The following PSPC1 variants were observed in gnomAD, a reference collection of about 807,000 sequenced individuals.
The protein encoded by PSPC1 is paraspeckle component 1.
Under a neutral mutation model 51.6 loss-of-function variants are expected in PSPC1, and 14 were observed. That is an observed-to-expected ratio of 0.27 (90% CI 0.18 to 0.42). PSPC1 has a LOEUF of 0.42. PSPC1 is among the 10% of genes least tolerant of loss of function. The pLI is 1.00. For synonymous variants in PSPC1, 193 were observed against 231.9 expected (o/e 0.83, Z 1.53); for missense variants, 406 against 701.1 (o/e 0.58, Z 4.75).
chr13:19,711,951 C>CAA (rs1265587554), intron 6 of PSPC1, among the ~76,000 whole-genome samples: 1 of 151,980 alleles, frequency 6.6e-6, no homozygotes, highest in African/African-American at 2.4e-5. Flanking sequence ...TTCAATAAAC[C>CAA]AAACCAAATT....
chr13:19,781,145 CA>C (rs531065939), intron 1 of PSPC1, among the ~76,000 whole-genome samples: 922 of 70,688 alleles, frequency 0.013, 7 homozygotes, highest in South Asian at 0.036. Flanking sequence ...GACCCAGTCT[CA>C]AAAAAAAAAA....
chr13:19,746,259 G>A (rs368826278), intron 4 of PSPC1, among the ~76,000 whole-genome samples: 28 of 151,832 alleles, frequency 1.8e-4, no homozygotes, highest in African/African-American at 5.3e-4. Flanking sequence ...AAAATTAGCC[G>A]ACTGTGGTGG....
At chr13:19,706,213 C>A (rs557807474) in intron 7 of PSPC1, among the ~76,000 whole-genome samples, 1 of 152,144 alleles carries the variant, frequency 6.6e-6, no homozygotes, top group South Asian at 2.1e-4. Context: ...TACAAAACCA[C>A]TTAATTTTTT....
chr13:19,736,274 G>T (rs892501018), intron 5 of PSPC1, among the ~76,000 whole-genome samples: 7 of 152,030 alleles, frequency 4.6e-5, no homozygotes, highest in Non-Finnish European at 8.8e-5. Flanking sequence ...AAACATAAAG[G>T]TTACCCGTCA....
chr13:19,706,739 C>G (rs1565978106), intron 7 of PSPC1, among the ~76,000 whole-genome samples: 3 of 152,090 alleles, frequency 2.0e-5, no homozygotes, highest in African/African-American at 7.2e-5. Context: ...CAAAGCCATT[C>G]TAATTTAGAG....
chr13:19,734,492 C>T (rs760936871), intron 5 of PSPC1, among the ~76,000 whole-genome samples: 4 of 152,232 alleles, frequency 2.6e-5, no homozygotes, highest in African/African-American at 4.8e-5. Context: ...TATAATAATT[C>T]GCTAAATGAC....
At chr13:19,694,803 T>A (rs1879010604) in intron 6 of PSPC1, among the ~76,000 whole-genome samples, 1 of 152,222 alleles carries the variant, frequency 6.6e-6, no homozygotes, top group African/African-American at 2.4e-5. Context: ...CACAACTCAA[T>A]TCAATGAGCA....
chr13:19,762,426 G>A (rs1263497105), intron 2 of PSPC1, among the ~76,000 whole-genome samples: 3 of 152,228 alleles, frequency 2.0e-5, no homozygotes, highest in African/African-American at 7.2e-5. Flanking sequence ...CAGGCGTGGT[G>A]GCACACGCCT....
At chr13:19,748,815 A>G (rs1257544985) in intron 4 of PSPC1, among the ~76,000 whole-genome samples, 3 of 149,128 alleles carry the variant, frequency 2.0e-5, no homozygotes, top group African/African-American at 7.4e-5. Context: ...ATTGAACAGA[A>G]GGGCTAGGGT....
intron 6 of PSPC1, among the ~76,000 whole-genome samples, chr13:19,714,320 A>C (rs1002685931): frequency 6.6e-6 from 1 of 152,214 alleles, no homozygotes; most frequent in Non-Finnish European, 1.5e-5. Context: ...ATTTTCTATG[A>C]GATCAATATG....
At chr13:19,762,211 T>C (rs1887662619) in intron 2 of PSPC1, among the ~76,000 whole-genome samples, 1 of 152,154 alleles carries the variant, frequency 6.6e-6, no homozygotes. Flanking sequence ...TACCACTCTA[T>C]ATATCATCTT....
chr13:19,762,835 G>A (rs1288093516), intron 2 of PSPC1, among the ~76,000 whole-genome samples: 1 of 152,048 alleles, frequency 6.6e-6, no homozygotes, highest in Admixed American at 6.6e-5. Context: ...CCTAAGGCCG[G>A]GCACGGTGGC....
At chr13:19,764,915 T>A (rs1887921758) in intron 2 of PSPC1, among the ~76,000 whole-genome samples, 1 of 146,652 alleles carries the variant, frequency 6.8e-6, no homozygotes, top group Non-Finnish European at 1.5e-5. Flanking sequence ...TTTATTTTTC[T>A]TTTGTAGAGA....
At chr13:19,696,811 A>G (rs1879319934) in intron 6 of PSPC1, among the ~76,000 whole-genome samples, 1 of 152,234 alleles carries the variant, frequency 6.6e-6, no homozygotes, top group Admixed American at 6.5e-5. Flanking sequence ...TCATACTGGT[A>G]TGCTGAGAAT....
chr13:19,737,380 C>A (rs1293827066), intron 5 of PSPC1: 1 of 152,118 alleles, frequency 6.6e-6, no homozygotes, highest in African/African-American at 2.4e-5. Context: ...GAACCTGACA[C>A]TATTAAAGAG....
intron 6 of PSPC1, among the ~76,000 whole-genome samples, chr13:19,716,006 T>G (rs1882048596): frequency 6.6e-6 from 1 of 151,560 alleles, no homozygotes; most frequent in Admixed American, 6.6e-5. Context: ...ACAGCAAGAC[T>G]CCGTCTCAAA....
intron 2 of PSPC1, among the ~76,000 whole-genome samples, chr13:19,769,359 T>C (rs1278227706): frequency 1.3e-5 from 2 of 151,884 alleles, no homozygotes; most frequent in African/African-American, 2.4e-5. Context: ...ATCAAGACCA[T>C]CCTGGCTAAC....
At chr13:19,731,203 C>T (rs528408680) in intron 5 of PSPC1, among the ~76,000 whole-genome samples, 3 of 152,174 alleles carry the variant, frequency 2.0e-5, no homozygotes, top group Admixed American at 1.3e-4. Flanking sequence ...TTAGAAATTA[C>T]GTGTTATAGC....
chr13:19,685,559 G>C (rs1159441924), intron 6 of PSPC1, among the ~76,000 whole-genome samples: 1 of 152,100 alleles, frequency 6.6e-6, no homozygotes, highest in African/African-American at 2.4e-5. Flanking sequence ...TTGTGTATTA[G>C]GTAAGAATAA....
Sources: gnomAD v4.1 joint callset for allele counts (sites outside exome capture counted in the v4.1 genomes callset) on GRCh38, gnomAD v4.1.1 for gene constraint, MANE v1.5 for transcripts, NCBI Gene and HGNC (gene_info 2026-07-23, HGNC 2026-07-21) for gene names.